IRAG2: variants seen among roughly 807,000 people sequenced by gnomAD.
The protein encoded by IRAG2 is lymphoid restricted membrane protein.
A neutral mutation model predicts 69.9 loss-of-function variants in IRAG2; 45 were observed. That is an observed-to-expected ratio of 0.64 (90% CI 0.51 to 0.83). IRAG2 has a LOEUF of 0.83. Among genes scored for constraint, IRAG2 ranks in the 40% least tolerant of loss-of-function variants. IRAG2 has a pLI of 0.00. For missense variants in IRAG2, 520 were observed against 587.0 expected (o/e 0.89, Z 1.18); for synonymous variants, 193 against 202.4 (o/e 0.95, Z 0.40).
intron 1 of IRAG2, among the ~76,000 whole-genome samples, chr12:25,060,288 T>C (rs1355531970): frequency 6.6e-6 from 1 of 152,170 alleles, no homozygotes; most frequent in African/African-American, 2.4e-5. Context: ...TGGCTATGTT[T>C]CAGAGAGTAG....
intron 2 of IRAG2, among the ~76,000 whole-genome samples, chr12:25,007,067 ATTGT>A (rs1199181895): frequency 6.6e-6 from 1 of 152,156 alleles, no homozygotes; most frequent in Non-Finnish European, 1.5e-5. Flanking sequence ...TGAATTCATA[ATTGT>A]TTGTTATAGA....
At chr12:25,014,261 A>T (rs890020147) in intron 3 of IRAG2, among the ~76,000 whole-genome samples, 1 of 152,044 alleles carries the variant, frequency 6.6e-6, no homozygotes, top group African/African-American at 2.4e-5. Flanking sequence ...CAGCATGAAG[A>T]CAAAAGAAAA....
intron 10 of IRAG2, among the ~76,000 whole-genome samples, chr12:25,085,311 C>T (rs562055015): frequency 7.9e-5 from 12 of 152,208 alleles, no homozygotes; most frequent in African/African-American, 2.2e-4. Context: ...AAGATGGATG[C>T]GGAGCCAGAA....
At position 25,056,733 on chromosome 12, in the gene IRAG2, A is replaced by C. The variant is rs138561427; in HGVS notation, c.-447+3777A>C. On this transcript the variant is annotated intron_variant, in intron 1 of 21. Transcript: ENST00000556887. ...TATAGTATAGAAATTATGTTGTTTCATTCACGATTTTCTTGGCACTTGGAT... is the reference window on the plus strand; with the variant it reads ...TATAGTATAGAAATTATGTTGTTTCCTTCACGATTTTCTTGGCACTTGGAT... Among the ~76,000 whole-genome samples, 3 of 152,332 alleles carry C rather than the reference A, an allele frequency of 2.0e-5. No homozygotes were observed. In the East Asian group the frequency reaches 5.8e-4, roughly 29 times the overall value.
chr12:25,016,532 G>A (rs929710658), intron 5 of IRAG2, among the ~76,000 whole-genome samples: 3 of 152,290 alleles, frequency 2.0e-5, no homozygotes, highest in African/African-American at 7.2e-5. Context: ...GGAGGCTGAA[G>A]CGGGCAGATC....
At chr12:25,079,845 C>G in intron 9 of IRAG2, 82 bp downstream of exon 9, 1 of 766,288 alleles carries the variant, frequency 1.3e-6, no homozygotes, top group South Asian at 1.6e-5. Flanking sequence ...ACTATCCACA[C>G]TAGCTCAATA....
chr12:25,086,935 A>G (rs1430934625), intron 10 of IRAG2, among the ~76,000 whole-genome samples: 1 of 152,096 alleles, frequency 6.6e-6, no homozygotes, highest in African/African-American at 2.4e-5. Context: ...AAACATATCT[A>G]TATGCGGTAA....
chr12:25,054,301 G>A (rs769046273), intron 1 of IRAG2, among the ~76,000 whole-genome samples: 1 of 152,160 alleles, frequency 6.6e-6, no homozygotes, highest in Non-Finnish European at 1.5e-5. Context: ...GTTGAGACAT[G>A]AATCATAAGG....
exon 8 of IRAG2, chr12:25,023,890 T>A: frequency 8.1e-7 from 1 of 1,228,338 alleles, no homozygotes; most frequent in Non-Finnish European, 1.0e-6. Flanking sequence ...AACCGGGCTC[T>A]GATTCTTAAG....
At chr12:25,015,157 T>G (rs1944515482) in intron 3 of IRAG2, 10 of 497,050 alleles carry the variant, frequency 2.0e-5, no homozygotes, top group Admixed American at 3.8e-4. Flanking sequence ...CTGGTTTTGT[T>G]TTTTTTTTTT....
At chr12:25,069,638 T>A (rs1289160365) in intron 6 of IRAG2, among the ~76,000 whole-genome samples, 1 of 152,256 alleles carries the variant, frequency 6.6e-6, no homozygotes, top group East Asian at 1.9e-4. Context: ...ATATGAGGGC[T>A]TTCTACCCTG....
At chr12:25,079,841 C>A in intron 9 of IRAG2, 78 bp downstream of exon 9, 1 of 774,902 alleles carries the variant, frequency 1.3e-6, no homozygotes, top group Non-Finnish European at 2.2e-6. Flanking sequence ...AGTAACTATC[C>A]ACACTAGCTC....
intron 2 of IRAG2, among the ~76,000 whole-genome samples, chr12:25,008,725 C>T (rs753543748): frequency 8.6e-5 from 13 of 152,036 alleles, no homozygotes; most frequent in East Asian, 3.9e-4. Context: ...GGAGACAAAG[C>T]GAAACTCCAT....
intron 1 of IRAG2, among the ~76,000 whole-genome samples, chr12:25,059,276 A>T (rs199519091): frequency 1.4e-5 from 2 of 145,490 alleles, no homozygotes; most frequent in African/African-American, 2.5e-5. Context: ...AGAATTTTTT[A>T]AAAATTTCAT....
At chr12:25,078,256 AT>A (rs1330062463) in intron 6 of IRAG2, among the ~76,000 whole-genome samples, 1 of 152,230 alleles carries the variant, frequency 6.6e-6, no homozygotes, top group Non-Finnish European at 1.5e-5. Flanking sequence ...AGCTACTATC[AT>A]TGTACTGGAT....
At chr12:25,047,687 C>T (rs1393065684), upstream of IRAG2, among the ~76,000 whole-genome samples, 2 of 152,126 alleles carry the variant, frequency 1.3e-5, no homozygotes, top group African/African-American at 4.8e-5. Context: ...ATTCAGCTAC[C>T]ACTCATAAGT....
At chr12:25,018,191 T>C (rs891947946) in intron 6 of IRAG2, among the ~76,000 whole-genome samples, 2 of 83,978 alleles carry the variant, frequency 2.4e-5, no homozygotes, top group Non-Finnish European at 5.1e-5. Flanking sequence ...TCTTTCTTTC[T>C]TCTTTTTTTT....
At chr12:25,027,623 T>A (rs185887087) in intron 9 of IRAG2, among the ~76,000 whole-genome samples, 1 of 152,296 alleles carries the variant, frequency 6.6e-6, no homozygotes, top group East Asian at 1.9e-4. Context: ...CTCAATCTCC[T>A]GACCTTGTGA....
intron 2 of IRAG2, among the ~76,000 whole-genome samples, chr12:25,008,883 G>T (rs1483153738): frequency 2.0e-5 from 3 of 152,044 alleles, no homozygotes; most frequent in Non-Finnish European, 4.4e-5. Context: ...TTTATAATCT[G>T]CTTTTTCTCA....
Sources: gnomAD v4.1 joint callset for allele counts (sites outside exome capture counted in the v4.1 genomes callset) on GRCh38, gnomAD v4.1.1 for gene constraint, MANE v1.5 for transcripts, NCBI Gene and HGNC (gene_info 2026-07-23, HGNC 2026-07-21) for gene names.